TBC1D22A: variants seen among roughly 807,000 people sequenced by gnomAD.
TBC1D22A encodes TBC1 domain family member 22A, also known as putative GTPase activator.
In TBC1D22A, 38 loss-of-function variants were observed where a neutral mutation model predicts 60.2. The ratio of observed to expected loss-of-function variants is 0.63; its 90% CI spans 0.49 to 0.83. The LOEUF (loss-of-function observed/expected upper bound fraction) is 0.83, where lower values mean the gene tolerates loss of function less well. Ranked by LOEUF, TBC1D22A falls within the 40% of genes least tolerant of loss-of-function variation. The pLI is 0.00. For synonymous variants in TBC1D22A, 302 were observed against 281.7 expected (o/e 1.07, Z -0.72); for missense variants, 628 against 701.0 (o/e 0.90, Z 1.18).
chr22:46,939,178 T>C (rs1466128831), intron 8 of TBC1D22A, among the ~76,000 whole-genome samples: 1 of 152,156 alleles, frequency 6.6e-6, no homozygotes, highest in Non-Finnish European at 1.5e-5. Flanking sequence ...GGAAGACATT[T>C]CACCATTATT....
At chr22:47,005,019 A>G (rs1303772260) in intron 10 of TBC1D22A, among the ~76,000 whole-genome samples, 1 of 151,570 alleles carries the variant, frequency 6.6e-6, no homozygotes, top group Non-Finnish European at 1.5e-5. Context: ...ACACATCCCT[A>G]TACATATAGA....
At chr22:47,084,908 G>A (rs73170437) in intron 11 of TBC1D22A, among the ~76,000 whole-genome samples, 8,036 of 152,242 alleles carry the variant, frequency 0.053, 289 homozygotes, top group Admixed American at 0.13. Flanking sequence ...CAATCCAGAG[G>A]TTCATTTTCT....
intron 9 of TBC1D22A, among the ~76,000 whole-genome samples, chr22:46,986,905 T>C (rs1350608999): frequency 6.6e-6 from 1 of 152,076 alleles, no homozygotes; most frequent in African/African-American, 2.4e-5. Flanking sequence ...GAATCTCAGG[T>C]GGTGGCTGGA....
intron 12 of TBC1D22A, among the ~76,000 whole-genome samples, chr22:47,156,054 G>A (rs1326540890): frequency 6.6e-6 from 1 of 152,052 alleles, no homozygotes; most frequent in Non-Finnish European, 1.5e-5. Context: ...TCCCCCTGCT[G>A]GTGAGCCCCC....
intron 11 of TBC1D22A, among the ~76,000 whole-genome samples, chr22:47,072,946 G>A (rs2064063910): frequency 6.6e-6 from 1 of 152,222 alleles, no homozygotes; most frequent in Non-Finnish European, 1.5e-5. Flanking sequence ...TATGAAGGAT[G>A]GATAGCTCTG....
At chr22:46,958,427 G>A (rs1319727696) in intron 8 of TBC1D22A, among the ~76,000 whole-genome samples, 1 of 152,192 alleles carries the variant, frequency 6.6e-6, no homozygotes, top group Non-Finnish European at 1.5e-5. Flanking sequence ...GTTACATTGG[G>A]ATGGGACAGG....
At chr22:47,042,994 C>T (rs998235162) in intron 11 of TBC1D22A, among the ~76,000 whole-genome samples, 1 of 152,200 alleles carries the variant, frequency 6.6e-6, no homozygotes, top group Non-Finnish European at 1.5e-5. Flanking sequence ...ACCTTGGGCC[C>T]CGAATCACTC....
intron 12 of TBC1D22A, among the ~76,000 whole-genome samples, chr22:47,159,246 C>A (rs2067853741): frequency 6.7e-6 from 1 of 150,194 alleles, no homozygotes; most frequent in African/African-American, 2.5e-5. Flanking sequence ...ACAAAATATA[C>A]CATGTATGCA....
chr22:47,172,010 TGCCTACCCAGCACTCCCAGTGA>T (rs1229000857), intron 12 of TBC1D22A, among the ~76,000 whole-genome samples: 4,907 of 97,212 alleles, frequency 0.05, 143 homozygotes, highest in Middle Eastern at 0.064. Context: ...GAGCCCAGTG[TGCCTACCCAGCACTCCCAGTGA>T]GCCTACCCAG....
At chr22:46,845,658 G>T (rs976890353) in intron 4 of TBC1D22A, among the ~76,000 whole-genome samples, 1 of 152,184 alleles carries the variant, frequency 6.6e-6, no homozygotes, top group Non-Finnish European at 1.5e-5. Flanking sequence ...GTTCATGCAA[G>T]CCAGCTCTTC....
chr22:47,109,018 T>C (rs1406328560), intron 11 of TBC1D22A, among the ~76,000 whole-genome samples: 1 of 152,198 alleles, frequency 6.6e-6, no homozygotes, highest in Admixed American at 6.5e-5. Flanking sequence ...GTTTATCGTA[T>C]GAGAGTTATA....
chr22:46,985,627 TGTGA>T (rs2074694070), intron 9 of TBC1D22A, among the ~76,000 whole-genome samples: 1 of 152,218 alleles, frequency 6.6e-6, no homozygotes, highest in Non-Finnish European at 1.5e-5. Flanking sequence ...TACTCCACCG[TGTGA>T]ATCTATCACA....
chr22:47,029,914 A>C (rs1243488241), intron 10 of TBC1D22A, among the ~76,000 whole-genome samples: 1 of 151,448 alleles, frequency 6.6e-6, no homozygotes, highest in Non-Finnish European at 1.5e-5. Flanking sequence ...CTGGGTCTCA[A>C]CCCTTCCCAC....
intron 9 of TBC1D22A, among the ~76,000 whole-genome samples, chr22:46,986,436 A>G (rs1320156122): frequency 1.3e-5 from 2 of 151,286 alleles, no homozygotes; most frequent in African/African-American, 2.4e-5. Flanking sequence ...TTGAATGAGA[A>G]TATGTGGAAT....
chr22:47,071,699 CT>C (rs2063997328), intron 11 of TBC1D22A, among the ~76,000 whole-genome samples: 1 of 152,224 alleles, frequency 6.6e-6, no homozygotes, highest in African/African-American at 2.4e-5. Flanking sequence ...CTTGCTAATG[CT>C]TTATGGCTGT....
At chr22:46,787,521 T>C (rs764029924) in intron 1 of TBC1D22A, among the ~76,000 whole-genome samples, 3 of 152,208 alleles carry the variant, frequency 2.0e-5, no homozygotes, top group Non-Finnish European at 4.4e-5. Flanking sequence ...CTGGCTTTCA[T>C]ACAGTGAAAC....
chr22:46,770,223 C>A (rs917417056), intron 1 of TBC1D22A, among the ~76,000 whole-genome samples: 1 of 152,178 alleles, frequency 6.6e-6, no homozygotes, highest in Non-Finnish European at 1.5e-5. Context: ...GGCGCGGCTT[C>A]TAGAAGCTGC....
At chr22:47,112,915 C>T (rs910432222) in intron 12 of TBC1D22A, among the ~76,000 whole-genome samples, 3 of 152,208 alleles carry the variant, frequency 2.0e-5, no homozygotes, top group African/African-American at 7.2e-5. Flanking sequence ...CCCATCTGGC[C>T]CACTCGTCAC....
intron 4 of TBC1D22A, among the ~76,000 whole-genome samples, chr22:46,843,457 T>C (rs1396215768): frequency 7.0e-6 from 1 of 142,266 alleles, no homozygotes; most frequent in Non-Finnish European, 1.5e-5. Context: ...GTCCCAAATA[T>C]GAATCATTCA....
Sources: allele counts gnomAD v4.1 joint callset (sites outside exome capture counted in the v4.1 genomes callset), GRCh38; gene constraint gnomAD v4.1.1; transcripts MANE v1.5; gene names NCBI Gene and HGNC (gene_info 2026-07-23, HGNC 2026-07-21).